The following SIN3A variants were observed in gnomAD, a reference collection of about 807,000 sequenced individuals.
SIN3A encodes SIN3 transcription regulator family member A.
SIN3A carries 14 observed loss-of-function variants against 146.1 expected under a neutral mutation model. The ratio of observed to expected loss-of-function variants is 0.10; its 90% CI spans 0.06 to 0.15. The LOEUF is 0.15. SIN3A is among the 10% of genes least tolerant of loss of function. The probability of loss-of-function intolerance (pLI) is 1.00; values close to 1 mark genes in which losing one functional copy is unlikely to be tolerated. For missense variants in SIN3A, 1,028 were observed against 1,576.0 expected (o/e 0.65, Z 5.89); for synonymous variants, 572 against 572.0 (o/e 1.00, Z 0.00).
chr15:75,430,599 A>G (rs2073997956), intron 1 of SIN3A, among the ~76,000 whole-genome samples, 191 bp from the exon 2 acceptor site: 1 of 152,210 alleles, frequency 6.6e-6, no homozygotes, highest in Admixed American at 6.5e-5. Context: ...TATAACTGAA[A>G]AAGACAAATA....
At chr15:75,377,331 A>C (rs1293239563) in intron 19 of SIN3A, among the ~76,000 whole-genome samples, 5 of 152,154 alleles carry the variant, frequency 3.3e-5, no homozygotes, top group Non-Finnish European at 7.3e-5. Flanking sequence ...TCACTTAAGA[A>C]TGTTTCTGAT....
intron 9 of SIN3A, among the ~76,000 whole-genome samples, chr15:75,406,496 G>C (rs978639459): frequency 6.6e-6 from 1 of 152,166 alleles, no homozygotes; most frequent in Non-Finnish European, 1.5e-5. Flanking sequence ...GACCATCCTG[G>C]CTAACACGGT....
intron 15 of SIN3A, among the ~76,000 whole-genome samples, chr15:75,391,780 C>T (rs2073207610): frequency 6.6e-6 from 1 of 152,180 alleles, no homozygotes; most frequent in African/African-American, 2.4e-5. Context: ...TTTCCATAAA[C>T]TATTTCTACA....
chr15:75,383,505 C>T (rs1409294793), intron 17 of SIN3A, among the ~76,000 whole-genome samples: 1 of 151,122 alleles, frequency 6.6e-6, no homozygotes, highest in Non-Finnish European at 1.5e-5. Context: ...CTCACTGCAG[C>T]CTCGACCTCC....
At chr15:75,394,572 A>G in intron 14 of SIN3A, 108 bp downstream of exon 14, 3 of 784,754 alleles carry the variant, frequency 3.8e-6, no homozygotes, top group Non-Finnish European at 6.0e-6. Context: ...AAGAATCAAC[A>G]GGTCTTAGAG....
At chr15:75,390,301 A>G (rs895922631) in intron 15 of SIN3A, among the ~76,000 whole-genome samples, 1 of 152,256 alleles carries the variant, frequency 6.6e-6, no homozygotes, top group East Asian at 1.9e-4. Flanking sequence ...ACCTCTTGGG[A>G]ACACAAAAAT....
chr15:75,408,599 G>A (rs1399918354), intron 8 of SIN3A, among the ~76,000 whole-genome samples: 1 of 152,208 alleles, frequency 6.6e-6, no homozygotes, highest in Non-Finnish European at 1.5e-5. Context: ...CATCAAAGAA[G>A]GGAGCAAGCT....
intron 1 of SIN3A, among the ~76,000 whole-genome samples, chr15:75,436,870 CTA>C (rs1352366614): frequency 6.6e-6 from 1 of 151,994 alleles, no homozygotes; most frequent in Admixed American, 6.6e-5. Flanking sequence ...TGGGAAGACT[CTA>C]TAAAGGTAAA....
chr15:75,397,591 T>C (rs1398698484), intron 12 of SIN3A, among the ~76,000 whole-genome samples: 1 of 152,198 alleles, frequency 6.6e-6, no homozygotes, highest in Non-Finnish European at 1.5e-5. Context: ...TGATTAGAAA[T>C]TAAACCCATT....
intron 10 of SIN3A, 37 bp from the exon 11 acceptor site, chr15:75,400,977 G>T: frequency 6.8e-7 from 1 of 1,463,508 alleles, no homozygotes. Flanking sequence ...AGCAATTAGG[G>T]GCAGGATGCA....
chr15:75,435,151 A>G (rs1022501606), intron 1 of SIN3A, among the ~76,000 whole-genome samples: 4 of 152,014 alleles, frequency 2.6e-5, no homozygotes, highest in Non-Finnish European at 4.4e-5. Context: ...AATCAGATCA[A>G]AGTTTATCCA....
At chr15:75,428,239 G>A (rs1049915741) in intron 2 of SIN3A, among the ~76,000 whole-genome samples, 1 of 152,140 alleles carries the variant, frequency 6.6e-6, no homozygotes, top group Non-Finnish European at 1.5e-5. Flanking sequence ...CAAACCTGCT[G>A]ACTGGTTTCC....
At chr15:75,412,403 A>G (rs1025744069) in intron 5 of SIN3A, among the ~76,000 whole-genome samples, 2 of 152,230 alleles carry the variant, frequency 1.3e-5, no homozygotes, top group East Asian at 1.9e-4. Context: ...AATAACTTTC[A>G]TAAAATAACC....
intron 1 of SIN3A, among the ~76,000 whole-genome samples, chr15:75,433,820 CAACA>C (rs575973043): frequency 1.1e-4 from 16 of 151,986 alleles, no homozygotes; most frequent in African/African-American, 2.9e-4. Context: ...AAAACAACAA[CAACA>C]AACAAACAAA....
chr15:75,444,821 G>T (rs1394748657), intron 1 of SIN3A, among the ~76,000 whole-genome samples: 1 of 152,156 alleles, frequency 6.6e-6, no homozygotes, highest in African/African-American at 2.4e-5. Flanking sequence ...ACTGTATTGT[G>T]GTTTTAAAAG....
chr15:75,430,321 G>A lies in SIN3A; in HGVS notation c.55C>T (p.Arg19Trp), dbSNP rs979275524. The stretch of plus-strand genomic sequence containing the variant: ...AAAGCCTCTGTGCTGCCAGGGATCC[G>A]ACGCTGCTGGGCTGCATACACCGGT... ...ESPVYAAQQR[R>W]IPGSTEAFPH... The change falls in exon 2 of 21, where the codon CGG becomes TGG. Residue 19 changes from arginine to tryptophan, a missense_variant. Physicochemically the swap from Arg to Trp is moderately radical, Grantham distance 101. Transcript: ENST00000394947. The A allele has an allele frequency of 6.2e-7, 1 of 1,614,130 alleles. No homozygotes were observed. The highest frequency in any genetic ancestry group is 8.5e-7 in the Non-Finnish European group (1 of 1,180,022).
chr15:75,393,842 C>G (rs2141430417), intron 14 of SIN3A, among the ~76,000 whole-genome samples: 1 of 152,266 alleles, frequency 6.6e-6, no homozygotes, highest in African/African-American at 2.4e-5. Flanking sequence ...GAATCTTGCT[C>G]TGTCACCCAG....
intron 17 of SIN3A, among the ~76,000 whole-genome samples, chr15:75,383,565 G>C (rs1338583387): frequency 1.4e-5 from 2 of 146,782 alleles, no homozygotes; most frequent in Non-Finnish European, 3.0e-5. Flanking sequence ...GTCTCGCTCT[G>C]TCTCCCAGGC....
At position 75,386,582 on chromosome 15, in the gene SIN3A, C is replaced by T. The variant is rs541695983; in HGVS notation, c.3022-2145G>A. 3.2e-4 allele frequency among the ~76,000 whole-genome samples: 49 copies of T among 152,242 alleles called. 2 individuals are homozygous for T. The South Asian group carries it at 9.7e-3, about 30-fold the overall frequency. ...TCTAGTAACACTGGGACCAGGGGTACTGGGAGGGCAAGCCAAAGCCTCAGA... is the reference window on the plus strand; with the variant it reads ...TCTAGTAACACTGGGACCAGGGGTATTGGGAGGGCAAGCCAAAGCCTCAGA... On this transcript the variant is annotated intron_variant, in intron 16 of 20. Coordinates refer to ENST00000394947, the MANE Select transcript of SIN3A (RefSeq NM_001145358.2).
Sources: gnomAD v4.1 joint callset for allele counts (sites outside exome capture counted in the v4.1 genomes callset) on GRCh38, gnomAD v4.1.1 for gene constraint, MANE v1.5 for transcripts, NCBI Gene and HGNC (gene_info 2026-07-23, HGNC 2026-07-21) for gene names.